Variants in DNAH3 observed in about 807,000 individuals in gnomAD.
DNAH3 encodes axonemal beta dynein heavy chain 3.
In DNAH3, 332 loss-of-function variants were observed where a neutral mutation model predicts 432.5. The observed-to-expected ratio is 0.77, with a 90% CI of 0.70 to 0.84. The LOEUF is 0.84. Ranked by LOEUF, DNAH3 falls within the 40% of genes least tolerant of loss-of-function variation. DNAH3 has a pLI of 0.00. For synonymous variants in DNAH3, 1,956 were observed against 1,900.2 expected (o/e 1.03, Z -0.76); for missense variants, 4,861 against 5,114.0 (o/e 0.95, Z 1.51).
chr16:20,954,219 T>A (rs1485340169), intron 55 of DNAH3, among the ~76,000 whole-genome samples: 9 of 32,162 alleles, frequency 2.8e-4, no homozygotes, highest in Admixed American at 1.4e-3. Context: ...TGAGACCCTA[T>A]CTCAAAAAAA....
chr16:21,018,799 A>G (rs1301473064), intron 41 of DNAH3, among the ~76,000 whole-genome samples: 5 of 151,980 alleles, frequency 3.3e-5, no homozygotes, highest in Non-Finnish European at 7.4e-5. Flanking sequence ...GGAGGCTGAG[A>G]CAGGAGAATC....
Position 21,026,700 on chromosome 16 carries a change from CA to C in DNAH3, c.5540+326del, listed in dbSNP as rs35667454. Among the ~76,000 whole-genome samples the C allele has an allele frequency of 8.1e-3, 389 of 47,800 alleles. 2 individuals are homozygous for C. Among genetic ancestry groups the C allele is most frequent in the South Asian group, 0.07 (81 of 1,160 alleles). The allele number at this position is 47,800 out of a possible 152,430, so 31.4% of individuals were successfully genotyped here. A position where few individuals can be genotyped will look rare whatever the true frequency, so the allele number is the denominator to read the frequency against. On this transcript the variant is annotated intron_variant, in intron 38 of 61. Transcript: ENST00000261383. ...TGGGTGACAGAGTGATACTCCGTCT[CA>C]AAAAAAAAAAAAAAAAAAAAAAGAA...
In DNAH3 at chr16:20,948,941, C is replaced by A. The variant is rs536476125; in HGVS notation, c.11189-304G>T. On this transcript the variant is annotated intron_variant, in intron 56 of 61. Transcript: ENST00000261383. ...CCCCCACAACCCATGCCCATCAAAACCCCAGGCTCAGCCAGCAGAGAGAGA... is the reference window on the plus strand; with the variant it reads ...CCCCCACAACCCATGCCCATCAAAAACCCAGGCTCAGCCAGCAGAGAGAGA... Among the ~76,000 whole-genome samples, 231 of 152,222 alleles carry A rather than the reference C, an allele frequency of 1.5e-3. 1 individual carries two copies. Among genetic ancestry groups the A allele is most frequent in the African/African-American group, 5.2e-3 (216 of 41,536 alleles).
chr16:20,938,256 G>A (rs541907286), intron 59 of DNAH3, among the ~76,000 whole-genome samples: 10 of 152,104 alleles, frequency 6.6e-5, no homozygotes, highest in African/African-American at 1.4e-4. Context: ...CTGAGCATGC[G>A]CGCCTGTAAT....
intron 5 of DNAH3, chr16:21,140,240 C>G (rs796216721): frequency 4.1e-4 from 96 of 236,218 alleles, no homozygotes; most frequent in African/African-American, 2.0e-3. Flanking sequence ...CTTGCAAAAT[C>G]TGGCACCCCC....
chr16:20,965,444 A>G lies in DNAH3; in HGVS notation c.8459-19T>C. On this transcript the variant is annotated intron_variant, in intron 52 of 61. Transcript: ENST00000261383. ...ATCTTACCTATTTGGAACAAGAAAC[A>G]GAGATAATGTGTTAAGACATTCTGG... is the stretch of plus-strand genomic sequence containing the variant. 6.0e-6 allele frequency: 9 copies of G among 1,501,398 alleles called. 1 individual carries two copies. The highest frequency in any genetic ancestry group is 8.0e-6 in the Non-Finnish European group (9 of 1,123,458). The allele number at this position is 1,501,398 out of a possible 1,614,324, so 93.0% of individuals were successfully genotyped here. A position where few individuals can be genotyped will look rare whatever the true frequency, so the allele number is the denominator to read the frequency against.
At chr16:21,020,629 C>A (rs558533510) in intron 40 of DNAH3, among the ~76,000 whole-genome samples, 71 of 151,302 alleles carry the variant, frequency 4.7e-4, no homozygotes, top group African/African-American at 1.7e-3. Context: ...TGGTCTCGAA[C>A]TCCTGACCTC....
intron 52 of DNAH3, among the ~76,000 whole-genome samples, chr16:20,965,699 G>A (rs2085024333): frequency 6.6e-6 from 1 of 151,992 alleles, no homozygotes; most frequent in African/African-American, 2.4e-5. Context: ...CCAGACCTCA[G>A]GCCTCATTTT....
chr16:21,102,964 C>T (rs1396761936), intron 16 of DNAH3, among the ~76,000 whole-genome samples: 4 of 151,374 alleles, frequency 2.6e-5, no homozygotes, highest in Non-Finnish European at 5.9e-5. Context: ...ATCTCTTGAC[C>T]TCATGATCTG....
chr16:20,955,133 A>G (rs1426864217), intron 54 of DNAH3, 76 bp from the exon 55 acceptor site: 3 of 1,442,426 alleles, frequency 2.1e-6, no homozygotes, highest in South Asian at 1.5e-5. Flanking sequence ...AAACAAAACA[A>G]TAACAATAAC....
At chr16:21,078,640 T>G (rs1203919861) in intron 20 of DNAH3, among the ~76,000 whole-genome samples, 1 of 152,218 alleles carries the variant, frequency 6.6e-6, no homozygotes, top group Non-Finnish European at 1.5e-5. Context: ...TATCACAGGC[T>G]TTGGGGTTCA....
chr16:21,022,575 C>T (rs529764308), intron 39 of DNAH3, among the ~76,000 whole-genome samples: 11 of 152,176 alleles, frequency 7.2e-5, no homozygotes, highest in South Asian at 4.2e-4. Flanking sequence ...ATTTACCACA[C>T]GTATGGGTAG....
chr16:20,965,480 A>C, intron 52 of DNAH3, 55 bp from the exon 53 acceptor site: 9 of 1,422,740 alleles, frequency 6.3e-6, no homozygotes, highest in Non-Finnish European at 8.4e-6. Context: ...CCAAGACTTA[A>C]AATTCTGCAG....
chr16:20,988,846 G>T (rs1166320400), intron 44 of DNAH3, among the ~76,000 whole-genome samples: 1 of 151,854 alleles, frequency 6.6e-6, no homozygotes, highest in East Asian at 1.9e-4. Flanking sequence ...TTTCCTTCTG[G>T]TGGGTTCGTC....
In DNAH3 at chr16:20,935,412, C is replaced by A. The variant is rs755477724; in HGVS notation, c.11933G>T (p.Gly3978Val). 2.5e-6 allele frequency: 4 copies of A among 1,612,376 alleles called. No homozygotes were observed. The East Asian group carries it at 8.9e-5, about 36-fold the overall frequency. Residue 3978 changes from glycine (G) to valine (V), a missense_variant, in exon 61 of 62, where the codon GGC becomes GTC. Coordinates refer to ENST00000261383, the Ensembl canonical transcript of DNAH3. ...TTTCCGGGCATAATTTTGAGAGACG[C>A]CAGTCAAAAAAGACTGTGTGAAGTA...
intron 54 of DNAH3, among the ~76,000 whole-genome samples, chr16:20,957,929 G>A (rs2084646442): frequency 6.7e-6 from 1 of 148,242 alleles, no homozygotes; most frequent in African/African-American, 2.5e-5. Flanking sequence ...TGCAAAAACT[G>A]AGGTTTAGCT....
rs2090067122 is a variant in DNAH3, at chr16:21,054,516, TG to T, written c.3942del (p.Ser1314ArgfsTer16). On this transcript the variant is annotated frameshift_variant, in exon 28 of 62. Transcript: ENST00000261383. LOFTEE classifies it high-confidence loss of function. ...TGGACAATCTGCGCAATCTGATCAT[TG>T]CTCTTTTTCAGAAAATCCTGGAAGG... is the stretch of plus-strand genomic sequence containing the variant. The T allele has an allele frequency of 6.2e-7, 1 of 1,613,958 alleles. No individual in the cohort carries two copies. Among genetic ancestry groups the T allele is most frequent in the African/African-American group, 1.3e-5 (1 of 74,918 alleles).
chr16:21,087,155 G>A (rs982701375), intron 18 of DNAH3, 95 bp from the exon 19 acceptor site: 36 of 1,053,924 alleles, frequency 3.4e-5, no homozygotes, highest in South Asian at 1.4e-4. Flanking sequence ...GCCTCCTGTC[G>A]TTTGGAGATT....
chr16:21,125,340 G>C (rs555785573), exon 9 of DNAH3: 13 of 1,609,498 alleles, frequency 8.1e-6, no homozygotes, highest in Non-Finnish European at 1.1e-5. Context: ...CCTTCCGTGA[G>C]GTAAAAAGCT....
Sources: allele counts gnomAD v4.1 joint callset (sites outside exome capture counted in the v4.1 genomes callset), GRCh38; gene constraint gnomAD v4.1.1; transcripts MANE v1.5; gene names NCBI Gene and HGNC (gene_info 2026-07-23, HGNC 2026-07-21).